BCL11A: variants seen among roughly 807,000 people sequenced by gnomAD.
BCL11A encodes BCL11 transcription factor A, also known as B cell CLL/lymphoma 11A.
A neutral mutation model predicts 55.9 loss-of-function variants in BCL11A; 2 were observed. That is an observed-to-expected ratio of 0.04 (90% confidence interval 0.01 to 0.11). The LOEUF is 0.11. Ranked by LOEUF, BCL11A falls within the 10% of genes least tolerant of loss-of-function variation. BCL11A has a pLI of 1.00. For missense variants in BCL11A, 817 were observed against 1,137.1 expected, an observed-to-expected ratio of 0.72 and a Z score of 4.05; for synonymous variants, 465 against 473.4, an observed-to-expected ratio of 0.98 and a Z score of 0.23.
intron 3 of BCL11A, among the ~76,000 whole-genome samples, chr2:60,467,098 GAT>G (rs1676665887): frequency 6.8e-6 from 1 of 148,132 alleles, no homozygotes; most frequent in Admixed American, 6.7e-5. Flanking sequence ...TGGTGGTGAT[GAT>G]GGTGGTGGTA....
intron 2 of BCL11A, among the ~76,000 whole-genome samples, chr2:60,513,822 G>T (rs187664172): frequency 1.4e-3 from 219 of 152,368 alleles, no homozygotes; most frequent in African/African-American, 4.7e-3. Flanking sequence ...ACACCTTGCA[G>T]TCTGAAGGGC....
intron 2 of BCL11A, among the ~76,000 whole-genome samples, chr2:60,508,319 G>A (rs948215392): frequency 1.3e-5 from 2 of 152,206 alleles, no homozygotes; most frequent in African/African-American, 4.8e-5. Flanking sequence ...AGAGGAGACA[G>A]AGAAGCTTCC....
At chr2:60,490,426 T>A (rs368229413) in intron 2 of BCL11A, among the ~76,000 whole-genome samples, 2 of 152,230 alleles carry the variant, frequency 1.3e-5, no homozygotes, top group African/African-American at 4.8e-5. Context: ...TAGTTCCCCG[T>A]ACCCATCAAG....
At chr2:60,547,032 G>A (rs751142352) in intron 1 of BCL11A, among the ~76,000 whole-genome samples, 8 of 152,132 alleles carry the variant, frequency 5.3e-5, no homozygotes, top group African/African-American at 9.7e-5. Flanking sequence ...CCAAATGCAC[G>A]GGCAGTATTT....
chr2:60,452,602 A>C (rs954383915), downstream of BCL11A: 1 of 1,613,890 alleles, frequency 6.2e-7, no homozygotes, highest in Non-Finnish European at 8.5e-7. Flanking sequence ...TCGAGCTTCC[A>C]TCCGAAAACT....
chr2:60,512,615 C>A (rs149570116), intron 2 of BCL11A, among the ~76,000 whole-genome samples: 137 of 152,290 alleles, frequency 9.0e-4, no homozygotes, highest in Middle Eastern at 3.4e-3. Context: ...TGCCTCTCCT[C>A]TCAGCTCTAA....
intron 2 of BCL11A, chr2:60,522,001 C>T (rs377060456): frequency 8.5e-5 from 13 of 152,574 alleles, no homozygotes; most frequent in African/African-American, 3.1e-4. Flanking sequence ...CAGGTACTTT[C>T]TTGCCCATAG....
intron 2 of BCL11A, among the ~76,000 whole-genome samples, chr2:60,472,152 T>C (rs1408495775): frequency 1.3e-5 from 2 of 152,194 alleles, no homozygotes; most frequent in Admixed American, 6.5e-5. Flanking sequence ...CCGTCTGTCA[T>C]TGATAAGGAC....
chr2:60,473,190 G>A (rs1677311111), intron 2 of BCL11A, among the ~76,000 whole-genome samples: 2 of 151,428 alleles, frequency 1.3e-5, no homozygotes, highest in Non-Finnish European at 2.9e-5. Flanking sequence ...CTGTGTACGT[G>A]TGTGAATGTG....
intron 2 of BCL11A, among the ~76,000 whole-genome samples, chr2:60,497,540 C>T (rs993773660): frequency 2.0e-5 from 3 of 152,132 alleles, no homozygotes; most frequent in African/African-American, 7.2e-5. Context: ...CATCAGGAAT[C>T]AGCTAGAAAC....
chr2:60,531,605 G>A (rs1338041704), intron 2 of BCL11A, among the ~76,000 whole-genome samples: 1 of 152,208 alleles, frequency 6.6e-6, no homozygotes, highest in African/African-American at 2.4e-5. Flanking sequence ...TCCAGCCAAT[G>A]AAACTTGCTC....
At chr2:60,463,297 A>C (rs943744576) in intron 3 of BCL11A, among the ~76,000 whole-genome samples, 5 of 152,232 alleles carry the variant, frequency 3.3e-5, no homozygotes, top group East Asian at 1.9e-4. Flanking sequence ...GTGCCGACTT[A>C]AGCAGACACA....
In BCL11A at chr2:60,482,274, ACGGAG is replaced by A. The variant is rs574845928; in HGVS notation, c.386-13446_386-13442del. Among the ~76,000 whole-genome samples, 361 of 151,960 alleles carry A rather than the reference ACGGAG, an allele frequency of 2.4e-3. 2 individuals are homozygous for A. The highest frequency in any genetic ancestry group is 3.9e-3 in the Non-Finnish European group (264 of 67,964). On this transcript the variant is annotated intron_variant, in intron 2 of 3. Transcript: ENST00000642384. The stretch of plus-strand genomic sequence containing the variant: ...GGAGCTGTATTTCTGTTTCCTGTTC[ACGGAG>A]CGGACAGAAGGAGGGTGTGCAGTGG...
At chr2:60,486,078 C>T (rs1392122924) in intron 2 of BCL11A, among the ~76,000 whole-genome samples, 1 of 152,294 alleles carries the variant, frequency 6.6e-6, no homozygotes, top group East Asian at 1.9e-4. Context: ...CTCCAAGCCC[C>T]TTGTTCTATC....
intron 3 of BCL11A, among the ~76,000 whole-genome samples, chr2:60,465,005 G>T (rs568856184): frequency 6.6e-6 from 1 of 152,140 alleles, no homozygotes; most frequent in Non-Finnish European, 1.5e-5. Flanking sequence ...TCAATGAGAA[G>T]GGCTGTTACG....
At chr2:60,509,938 A>G (rs1487466445) in intron 2 of BCL11A, among the ~76,000 whole-genome samples, 1 of 151,732 alleles carries the variant, frequency 6.6e-6, no homozygotes, top group Non-Finnish European at 1.5e-5. Context: ...TCTCCCAGTC[A>G]CCGAGCCACA....
chr2:60,461,289 G>C lies in BCL11A; in HGVS notation c.1623C>G (p.Arg541=), dbSNP rs1020244114. 1.9e-6 allele frequency: 3 copies of C among 1,603,416 alleles called. No individual in the cohort carries two copies. The highest frequency in any genetic ancestry group is 1.7e-5 in the Admixed American group (1 of 59,830). Residue 541 remains arginine (R), a synonymous_variant, in exon 4 of 4, where the codon CGC becomes CGG. Coordinates refer to ENST00000642384, the MANE Select transcript of BCL11A (RefSeq NM_022893.4). ...TGCCCTGCATGACGTCGGGCAGGGC[G>C]CGGCTCTCGTCGCCCACGCCCACGA... ...GAVVGVGDES[R]ALPDVMQGMV... is the part of the protein sequence containing the mutation.
chr2:60,553,128 C>A, intron 1 of BCL11A, 88 bp downstream of exon 1: 2 of 1,369,234 alleles, frequency 1.5e-6, no homozygotes, highest in Non-Finnish European at 2.0e-6. Context: ...TGCATGCACA[C>A]ACCCCTCTCT....
intron 2 of BCL11A, among the ~76,000 whole-genome samples, chr2:60,506,500 C>A (rs568164376): frequency 1.3e-5 from 2 of 152,368 alleles, no homozygotes; most frequent in African/African-American, 4.8e-5. Context: ...CCTCACTAGA[C>A]TGTATCTCAT....
Sources: gnomAD v4.1 joint callset for allele counts (sites outside exome capture counted in the v4.1 genomes callset) on GRCh38, gnomAD v4.1.1 for gene constraint, MANE v1.5 for transcripts, NCBI Gene and HGNC (gene_info 2026-07-23, HGNC 2026-07-21) for gene names.